Variants in FLRT2 observed in about 807,000 individuals in gnomAD.
The protein encoded by FLRT2 is leucine-rich repeat transmembrane protein FLRT2.
A neutral mutation model predicts 40.0 loss-of-function variants in FLRT2; 15 were observed. That is an observed-to-expected ratio of 0.38 (90% confidence interval 0.25 to 0.58). The LOEUF (loss-of-function observed/expected upper bound fraction) is 0.58, where lower values mean the gene tolerates loss of function less well. Ranked by LOEUF, FLRT2 falls within the 20% of genes least tolerant of loss-of-function variation. FLRT2 has a pLI of 0.71. For missense variants in FLRT2, 726 were observed against 840.0 expected, an observed-to-expected ratio of 0.86 and a Z score of 1.68; for synonymous variants, 380 against 336.8, an observed-to-expected ratio of 1.13 and a Z score of -1.41.
chr14:85,576,135 A>C (rs544009022), intron 1 of FLRT2, among the ~76,000 whole-genome samples: 3 of 152,324 alleles, frequency 2.0e-5, no homozygotes, highest in Admixed American at 1.3e-4. Flanking sequence ...GCATGAGGTA[A>C]AATGATCTTC....
Position 85,650,075 on chromosome 14 carries a change from T to C in FLRT2, c.*26578T>C, listed in dbSNP as rs1008279026. On this transcript the variant is annotated 3_prime_UTR_variant, in exon 2 of 2. Coordinates refer to ENST00000330753, the MANE Select transcript of FLRT2 (RefSeq NM_013231.6). ...TATTCATTAAAAATTACAAATACAA[T>C]TGAAGCCCTTGAACCCCTCACCTGT... is the stretch of plus-strand genomic sequence containing the variant. 5.9e-5 allele frequency: 9 copies of C among 152,162 alleles called. No homozygotes were observed. Among genetic ancestry groups the C allele is most frequent in the Admixed American group, 3.3e-4 (5 of 15,262 alleles). 9.4% of individuals were successfully genotyped at this position (152,162 alleles called of 1,614,324 possible). A position where few individuals can be genotyped will look rare whatever the true frequency, so the allele number is the denominator to read the frequency against.
rs549942034 is a variant in FLRT2 at position 85,653,143 on chromosome 14, T to C, written c.*29646T>C. 29 of 152,202 alleles carry C rather than the reference T, an allele frequency of 1.9e-4. No homozygotes were observed. Among genetic ancestry groups the C allele is most frequent in the Non-Finnish European group, 3.8e-4 (26 of 68,032 alleles). The allele number at this position is 152,202 out of a possible 1,614,324, so 9.4% of individuals were successfully genotyped here. On this transcript the variant is annotated 3_prime_UTR_variant, in exon 2 of 2. Coordinates refer to ENST00000330753, the MANE Select transcript of FLRT2 (RefSeq NM_013231.6). ...CTGAAGTCAGAACACCTTTTCTTTT[T>C]AAACATTTTCAATTTGTGATCTGCT...
At chr14:85,595,780 G>C (rs987454531) in intron 1 of FLRT2, among the ~76,000 whole-genome samples, 1 of 152,150 alleles carries the variant, frequency 6.6e-6, no homozygotes, top group African/African-American at 2.4e-5. Context: ...ATTTCTATAG[G>C]GGAATAAGTT....
chr14:85,536,503 T>C (rs1888667578), intron 1 of FLRT2, among the ~76,000 whole-genome samples: 1 of 152,224 alleles, frequency 6.6e-6, no homozygotes, highest in South Asian at 2.1e-4. Flanking sequence ...TTCTGGATAA[T>C]CATCTTTTGA....
At chr14:85,601,463 G>A (rs574742361) in intron 1 of FLRT2, among the ~76,000 whole-genome samples, 44 of 152,306 alleles carry the variant, frequency 2.9e-4, no homozygotes, top group African/African-American at 1.0e-3. Context: ...TCTGGATAAT[G>A]GAAGACAGCA....
At chr14:85,556,013 T>G (rs1331647492) in intron 1 of FLRT2, among the ~76,000 whole-genome samples, 1 of 152,190 alleles carries the variant, frequency 6.6e-6, no homozygotes, top group African/African-American at 2.4e-5. Context: ...GTTAGTATAG[T>G]ACAGACGGAA....
rs1894131508 is a variant in FLRT2, at chr14:85,640,789, C to T, written c.*17292C>T. 2.0e-5 allele frequency: 1 copy of T among 50,974 alleles called. No homozygotes were observed. Among genetic ancestry groups the T allele is most frequent in the Non-Finnish European group, 3.7e-5 (1 of 26,880 alleles). The allele number at this position is 50,974 out of a possible 1,614,324, so 3.2% of individuals were successfully genotyped here. ...GTGGCAAACACATCATTAGAAACTG[C>T]CTCCTATTCACTCTCTTAATAGCTT... On this transcript the variant is annotated 3_prime_UTR_variant, in exon 2 of 2. Transcript: ENST00000330753.
chr14:85,618,219 C>T (rs1424178623), intron 1 of FLRT2, among the ~76,000 whole-genome samples: 1 of 152,152 alleles, frequency 6.6e-6, no homozygotes, highest in Non-Finnish European at 1.5e-5. Flanking sequence ...TGATTTGTTT[C>T]TTAGCCCCTA....
chr14:85,602,714 A>T (rs1437710998), intron 1 of FLRT2, among the ~76,000 whole-genome samples: 1 of 152,180 alleles, frequency 6.6e-6, no homozygotes, highest in Non-Finnish European at 1.5e-5. Context: ...CTGGCAACTT[A>T]TTAGGAAACA....
rs1384491102 is a variant in FLRT2, at chr14:85,624,897, C to A, written c.*1400C>A. The A allele has an allele frequency of 6.0e-6, 1 of 166,996 alleles. No homozygotes were observed. The highest frequency in any genetic ancestry group is 2.4e-5 in the African/African-American group (1 of 41,440). The allele number at this position is 166,996 out of a possible 1,614,324, so 10.3% of individuals were successfully genotyped here. On this transcript the variant is annotated 3_prime_UTR_variant, in exon 2 of 2. Transcript: ENST00000330753. ...ACCTTGGACTGACTTTGATCCTGTT[C>A]CACTTTTGAAATTTTATTTGTTCCT...
chr14:85,607,341 C>A (rs1892668343), intron 1 of FLRT2, among the ~76,000 whole-genome samples: 1 of 152,192 alleles, frequency 6.6e-6, no homozygotes, highest in Admixed American at 6.5e-5. Context: ...GATTGATGCA[C>A]ATCAGTGATT....
chr14:85,568,604 TTTG>T (rs1158999487), intron 1 of FLRT2, among the ~76,000 whole-genome samples: 5 of 152,040 alleles, frequency 3.3e-5, no homozygotes, highest in African/African-American at 2.4e-5. Flanking sequence ...TTCCTGCTTT[TTTG>T]TTGTTGTTGT....
chr14:85,571,721 CAGTT>C (rs1277106867), intron 1 of FLRT2, among the ~76,000 whole-genome samples: 1 of 152,138 alleles, frequency 6.6e-6, no homozygotes, highest in African/African-American at 2.4e-5. Context: ...CCAAAGAACA[CAGTT>C]AGGACCTTTT....
At chr14:85,533,600 C>A (rs1461172313) in intron 1 of FLRT2, among the ~76,000 whole-genome samples, 2 of 152,030 alleles carry the variant, frequency 1.3e-5, no homozygotes, top group African/African-American at 2.4e-5. Context: ...GTTGGCTTGG[C>A]GAAGCGGAGA....
At chr14:85,612,973 G>T (rs927675893) in intron 1 of FLRT2, among the ~76,000 whole-genome samples, 12 of 152,170 alleles carry the variant, frequency 7.9e-5, no homozygotes, top group African/African-American at 2.6e-4. Context: ...GCAATATTAG[G>T]GTAGGGAAGT....
At chr14:85,534,848 C>T (rs1212026586) in intron 1 of FLRT2, among the ~76,000 whole-genome samples, 3 of 151,302 alleles carry the variant, frequency 2.0e-5, no homozygotes, top group Non-Finnish European at 2.9e-5. Flanking sequence ...CCCGACGCCC[C>T]CTTTCCCCCA....
chr14:85,600,519 C>T (rs953506122), intron 1 of FLRT2, among the ~76,000 whole-genome samples: 12 of 152,134 alleles, frequency 7.9e-5, no homozygotes, highest in Admixed American at 7.2e-4. Flanking sequence ...TCTGACAGGA[C>T]ATCAGAGAAA....
In FLRT2 at chr14:85,635,121, T is replaced by C. The variant is rs1025269236; in HGVS notation, c.*11624T>C. ...AGTTATAATAACCTTAAACTTGATA[T>C]GTTAGGGAAGCAACCTGCATAACCA... On this transcript the variant is annotated 3_prime_UTR_variant, in exon 2 of 2. Transcript: ENST00000330753. 6 of 152,302 alleles carry C rather than the reference T, an allele frequency of 3.9e-5. No individual in the cohort carries two copies. The highest frequency in any genetic ancestry group is 3.9e-4 in the Admixed American group (6 of 15,306). The allele number at this position is 152,302 out of a possible 1,614,324, so 9.4% of individuals were successfully genotyped here. A position where few individuals can be genotyped will look rare whatever the true frequency, so the allele number is the denominator to read the frequency against.
chr14:85,587,388 C>G (rs541180754), intron 1 of FLRT2, among the ~76,000 whole-genome samples: 1 of 151,996 alleles, frequency 6.6e-6, no homozygotes, highest in South Asian at 2.1e-4. Flanking sequence ...AGAATTCCTA[C>G]GCAAAAGCTA....
Sources: gnomAD v4.1 joint callset for allele counts (sites outside exome capture counted in the v4.1 genomes callset) on GRCh38, gnomAD v4.1.1 for gene constraint, MANE v1.5 for transcripts, NCBI Gene and HGNC (gene_info 2026-07-23, HGNC 2026-07-21) for gene names.